Variants in ASAP1 observed in about 807,000 individuals in gnomAD.
The protein encoded by ASAP1 is arf-GAP with SH3 domain, ANK repeat and PH domain-containing protein 1.
In ASAP1, 43 loss-of-function variants were observed where a neutral mutation model predicts 145.2. The observed-to-expected ratio is 0.30, with a 90% CI of 0.23 to 0.38. The LOEUF (loss-of-function observed/expected upper bound fraction) is 0.38. ASAP1 is among the 10% of genes least tolerant of loss of function. The probability of loss-of-function intolerance (pLI) is 1.00; values close to 1 mark genes in which losing one functional copy is unlikely to be tolerated. For missense variants in ASAP1, 1,018 were observed against 1,355.3 expected, an observed-to-expected ratio of 0.75 and a Z score of 3.91; for synonymous variants, 546 against 515.5, an observed-to-expected ratio of 1.06 and a Z score of -0.80.
At chr8:130,390,703 G>A (rs1212780892) in intron 2 of ASAP1, among the ~76,000 whole-genome samples, 3 of 152,158 alleles carry the variant, frequency 2.0e-5, no homozygotes, top group Admixed American at 6.5e-5. Flanking sequence ...GAATGTCCTC[G>A]CTAAAGGCAT....
intron 3 of ASAP1, among the ~76,000 whole-genome samples, chr8:130,355,928 T>C (rs1036929336): frequency 2.0e-5 from 3 of 152,220 alleles, no homozygotes; most frequent in African/African-American, 7.2e-5. Context: ...TGTGCCATCC[T>C]GAAACATTGC....
Position 130,060,925 on chromosome 8 carries a change from T to C in ASAP1, c.2846A>G (p.Lys949Arg), listed in dbSNP as rs751349147. The C allele has an allele frequency of 3.7e-6, 6 of 1,611,294 alleles. No individual in the cohort carries two copies. The highest frequency in any genetic ancestry group is 5.1e-6 in the Non-Finnish European group (6 of 1,178,202). Residue 949 changes from lysine (K) to arginine (R), a missense_variant, in exon 28 of 30, where the codon AAG (lysine) becomes AGG (arginine). This residue lies in a region of ASAP1 where 139 missense variants were observed against 131.0 expected (regional missense o/e 1.06). Transcript: ENST00000518721. ...LPPKPTELAP[K>R]PQIGDLPPKP... ...AGGCGGCAAATCTCCAATTTGGGGC[T>C]TGGGGGCCAGTTCTGTGGGCTTTGG...
chr8:130,184,335 G>C (rs769050912), intron 7 of ASAP1, among the ~76,000 whole-genome samples: 19 of 152,226 alleles, frequency 1.2e-4, no homozygotes, highest in Non-Finnish European at 2.8e-4. Flanking sequence ...GCTAAAGCTA[G>C]AAAGAGCAAG....
At chr8:130,159,790 T>C in intron 12 of ASAP1, 74 bp downstream of exon 12, 1 of 1,202,306 alleles carries the variant, frequency 8.3e-7, no homozygotes, top group Non-Finnish European at 1.2e-6. Context: ...TTAAGTGTGT[T>C]TCCCTATATG....
intron 27 of ASAP1, among the ~76,000 whole-genome samples, chr8:130,071,955 T>C (rs1235833722): frequency 1.3e-5 from 2 of 152,244 alleles, no homozygotes; most frequent in Non-Finnish European, 2.9e-5. Flanking sequence ...CTTGTTATAG[T>C]CATCTGTTAT....
intron 3 of ASAP1, among the ~76,000 whole-genome samples, chr8:130,352,414 C>T (rs562935234): frequency 2.6e-5 from 4 of 152,190 alleles, no homozygotes; most frequent in Admixed American, 6.5e-5. Context: ...AAATCCTATG[C>T]GTAAGATTTC....
At chr8:130,072,825 G>GTGTGTGTGTGTGTGCGCGCGCGCGCA in intron 27 of ASAP1, among the ~76,000 whole-genome samples, 4 of 54,114 alleles carry the variant, frequency 7.4e-5, no homozygotes, top group African/African-American at 2.7e-4. Context: ...GTGTGTGTGT[G>GTGTGTGTGTGTGTGCGCGCGCGCGCA]CGCGCGGGGG....
chr8:130,381,399 AAATT>A (rs942841764), intron 2 of ASAP1, among the ~76,000 whole-genome samples: 1 of 152,184 alleles, frequency 6.6e-6, no homozygotes, highest in Non-Finnish European at 1.5e-5. Flanking sequence ...ATTGAAAGAA[AAATT>A]ATTAATGAGA....
chr8:130,132,525 T>G (rs145902473), intron 15 of ASAP1, among the ~76,000 whole-genome samples: 1 of 152,140 alleles, frequency 6.6e-6, no homozygotes, highest in Non-Finnish European at 1.5e-5. Flanking sequence ...CTTACCTTCC[T>G]CTTGGAAGTC....
intron 4 of ASAP1, 105 bp from the exon 5 acceptor site, chr8:130,214,806 C>T: frequency 1.0e-6 from 1 of 977,018 alleles, no homozygotes. Context: ...GAAGCATAAA[C>T]TGTATCAATT....
intron 8 of ASAP1, 145 bp from the exon 9 acceptor site, chr8:130,179,494 C>T (rs576017745): frequency 7.6e-6 from 4 of 526,540 alleles, no homozygotes; most frequent in South Asian, 2.8e-5. Flanking sequence ...ATGCTGATTT[C>T]GCAGTCACAA....
chr8:130,160,745 C>T, intron 11 of ASAP1: 2 of 1,225,990 alleles, frequency 1.6e-6, no homozygotes, highest in Non-Finnish European at 2.1e-6. Context: ...TTTAGACATA[C>T]AAGTAGGACA....
chr8:130,077,522 T>C (rs1465111288), intron 26 of ASAP1, among the ~76,000 whole-genome samples: 1 of 146,944 alleles, frequency 6.8e-6, no homozygotes, highest in Non-Finnish European at 1.5e-5. Flanking sequence ...TAAGAGTTGG[T>C]TGCTGCTGCT....
intron 1 of ASAP1, among the ~76,000 whole-genome samples, chr8:130,404,290 G>A (rs1828929744): frequency 6.6e-6 from 1 of 152,190 alleles, no homozygotes; most frequent in African/African-American, 2.4e-5. Flanking sequence ...ATTTAAATTA[G>A]ATGGGGAACT....
Position 130,151,370 on chromosome 8 carries a change from C to CA in ASAP1, c.1080+1365dup, listed in dbSNP as rs58367856. On this transcript the variant is annotated intron_variant, in intron 13 of 29. Transcript: ENST00000518721. ...TGGGTGAAAGAGCGAGACTCAGTCT[C>CA]AAAAAAAAAAAAAAAAAAAAAAAAA... Among the ~76,000 whole-genome samples, 32 of 62,850 alleles carry CA rather than the reference C, an allele frequency of 5.1e-4. 1 individual carries two copies. Among genetic ancestry groups the CA allele is most frequent in the African/African-American group, 7.2e-4 (13 of 18,112 alleles). The allele number at this position is 62,850 out of a possible 152,430, so 41.2% of individuals were successfully genotyped here.
chr8:130,061,829 C>T (rs138152266), intron 27 of ASAP1, among the ~76,000 whole-genome samples: 4 of 152,342 alleles, frequency 2.6e-5, no homozygotes, highest in Non-Finnish European at 5.9e-5. Context: ...ACAGTATGCA[C>T]AGCTTAGGAA....
rs915630467 is a variant in ASAP1, at chr8:130,382,305, A to G, written c.59+19580T>C. Reference sequence around the variant, plus strand: ...TGTCTCAAAAAAAAAAAAAAAAAAAAAAAAGAAATTAAAGATATCACCTTG... The same window carrying G: ...TGTCTCAAAAAAAAAAAAAAAAAAAGAAAAGAAATTAAAGATATCACCTTG... On this transcript the variant is annotated intron_variant, in intron 2 of 29. Coordinates refer to ENST00000518721, the MANE Select transcript of ASAP1 (RefSeq NM_018482.4). Among the ~76,000 whole-genome samples, 15 of 151,710 alleles carry G rather than the reference A, an allele frequency of 9.9e-5. 1 individual carries two copies. The highest frequency in any genetic ancestry group is 2.1e-4 in the South Asian group (1 of 4,810).
chr8:130,287,356 G>C (rs1002564560), intron 3 of ASAP1, among the ~76,000 whole-genome samples: 4 of 152,134 alleles, frequency 2.6e-5, no homozygotes, highest in African/African-American at 9.7e-5. Flanking sequence ...CTTGAACAAA[G>C]GGACAATGCA....
chr8:130,213,846 A>G (rs10091313), intron 5 of ASAP1, among the ~76,000 whole-genome samples: 78,833 of 151,950 alleles, frequency 0.52, 20,827 homozygotes, highest in East Asian at 0.69. Context: ...TGCACATGGT[A>G]TGAGGGCTGG....
Sources: allele counts gnomAD v4.1 joint callset (sites outside exome capture counted in the v4.1 genomes callset), GRCh38; gene constraint gnomAD v4.1.1; regional missense constraint gnomAD v4.1.1; transcripts MANE v1.5; gene names NCBI Gene and HGNC (gene_info 2026-07-23, HGNC 2026-07-21).